Variants in POLR3D observed in about 807,000 individuals in gnomAD.
POLR3D encodes DNA-directed RNA polymerase III subunit RPC4.
POLR3D carries 42 observed loss-of-function variants against 44.5 expected under a neutral mutation model. That is an observed-to-expected ratio of 0.94 (90% CI 0.74 to 1.22). POLR3D has a LOEUF of 1.22. POLR3D is among the 50% of genes most tolerant of loss of function. POLR3D has a pLI of 0.00. For missense variants in POLR3D, 507 were observed against 505.2 expected (o/e 1.00, Z -0.03); for synonymous variants, 217 against 198.1 (o/e 1.10, Z -0.80).
intron 5 of POLR3D, 94 bp from the exon 6 acceptor site, chr8:22,248,387 G>A: frequency 6.4e-7 from 1 of 1,572,048 alleles, no homozygotes; most frequent in Non-Finnish European, 8.6e-7. Context: ...GAATCCTGGG[G>A]AGCAGCGGAA....
intron 3 of POLR3D, among the ~76,000 whole-genome samples, chr8:22,247,602 C>T (rs1470378204): frequency 6.6e-6 from 1 of 152,152 alleles, no homozygotes; most frequent in Non-Finnish European, 1.5e-5. Flanking sequence ...GCATTTCTGC[C>T]TTCCTGCTTT....
chr8:22,248,478 C>G lies in POLR3D; in HGVS notation c.487-3C>G, dbSNP rs1422175894. 3.1e-6 allele frequency: 5 copies of G among 1,613,252 alleles called. No homozygotes were observed. Among genetic ancestry groups the G allele is most frequent in the Non-Finnish European group, 4.2e-6 (5 of 1,179,604 alleles). On this transcript the variant is annotated splice_region_variant and splice_polypyrimidine_tract_variant and intron_variant, in intron 5 of 8. Transcript: ENST00000306433. ...GCTGGATGACCCAGACTCTCTTTGG[C>G]AGTTCCTCGATGACCCCGGCCTGAG...
intron 3 of POLR3D, 152 bp from the exon 4 acceptor site, chr8:22,247,705 A>C: frequency 1.5e-6 from 1 of 651,508 alleles, no homozygotes; most frequent in South Asian, 3.0e-5. Flanking sequence ...AAGTGAGAAA[A>C]GTGCTAGAAT....
intron 8 of POLR3D, 52 bp downstream of exon 8, chr8:22,250,279 T>C (rs1210390228): frequency 9.9e-6 from 16 of 1,611,158 alleles, no homozygotes; most frequent in Non-Finnish European, 1.4e-5. Flanking sequence ...TGAAGGAGGA[T>C]TGAAGAGCCA....
Position 22,247,372 on chromosome 8 carries a change from T to G in POLR3D, c.209+108T>G. The G allele has an allele frequency of 3.8e-6, 3 of 792,744 alleles. No homozygotes were observed. The South Asian group carries it at 5.1e-5, about 13-fold the overall frequency. 49.1% of individuals were successfully genotyped at this position (792,744 alleles called of 1,614,324 possible). Reference sequence around the variant, plus strand: ...AGCTCCAAAATTTAAATTTATATCTTTAGTTCTTTTCACTAGTGATTTTCA... The same window carrying G: ...AGCTCCAAAATTTAAATTTATATCTGTAGTTCTTTTCACTAGTGATTTTCA... On this transcript the variant is annotated intron_variant, in intron 3 of 8. Transcript: ENST00000306433.
At position 22,253,058 on chromosome 8, in the gene POLR3D, C is replaced by G. The variant is rs1296168798; in HGVS notation, c.*2540C>G. ...AACAGGATGTGATCAGCACAAGTAA[C>G]AGAAAATTAGCCTGACGGTGGCTTA... On this transcript the variant is annotated 3_prime_UTR_variant, in exon 9 of 9. Coordinates refer to ENST00000306433, the MANE Select transcript of POLR3D (RefSeq NM_001722.3). 2.0e-5 allele frequency: 3 copies of G among 152,188 alleles called. No homozygotes were observed. Among genetic ancestry groups the G allele is most frequent in the Non-Finnish European group, 4.4e-5 (3 of 68,044 alleles). 9.4% of individuals were successfully genotyped at this position (152,188 alleles called of 1,614,324 possible). A position where few individuals can be genotyped will look rare whatever the true frequency, so the allele number is the denominator to read the frequency against.
At chr8:22,248,086 A>G (rs1830061601) in intron 4 of POLR3D, 68 bp from the exon 5 acceptor site, 2 of 1,607,780 alleles carry the variant, frequency 1.2e-6, no homozygotes, top group Admixed American at 3.4e-5. Context: ...CCCCACTCCC[A>G]TTTCCGTTTT....
rs189085399 is a variant in POLR3D at position 22,253,405 on chromosome 8, G to A, written c.*2887G>A. The A allele has an allele frequency of 6.6e-6, 1 of 152,332 alleles. No individual in the cohort carries two copies. The allele number at this position is 152,332 out of a possible 1,614,324, so 9.4% of individuals were successfully genotyped here. A position where few individuals can be genotyped will look rare whatever the true frequency, so the allele number is the denominator to read the frequency against. On this transcript the variant is annotated 3_prime_UTR_variant, in exon 9 of 9. Coordinates refer to ENST00000306433, the MANE Select transcript of POLR3D (RefSeq NM_001722.3). ...ACCAGGCCCTGGCAAAGGGGGATGG[G>A]TCGACTAGTGTATCCCCTGGCACTG... is the stretch of plus-strand genomic sequence containing the variant.
In POLR3D at chr8:22,245,425, C is replaced by G; in HGVS notation, c.-5-20C>G. ...GCGTGTCAGTCCCCTCTGGTGATCTCGTCGCCCCTTCTCTCCCAGGCAACA... is the reference window on the plus strand; with the variant it reads ...GCGTGTCAGTCCCCTCTGGTGATCTGGTCGCCCCTTCTCTCCCAGGCAACA... On this transcript the variant is annotated intron_variant, in intron 1 of 8. Coordinates refer to ENST00000306433, the MANE Select transcript of POLR3D (RefSeq NM_001722.3). The G allele has an allele frequency of 1.5e-6, 2 of 1,308,910 alleles. No individual in the cohort carries two copies. Among genetic ancestry groups the G allele is most frequent in the Non-Finnish European group, 2.0e-6 (2 of 1,021,438 alleles). The allele number at this position is 1,308,910 out of a possible 1,614,324, so 81.1% of individuals were successfully genotyped here. A position where few individuals can be genotyped will look rare whatever the true frequency, so the allele number is the denominator to read the frequency against.
intron 2 of POLR3D, among the ~76,000 whole-genome samples, chr8:22,246,002 G>A (rs1289627394): frequency 1.3e-5 from 2 of 152,192 alleles, no homozygotes; most frequent in Non-Finnish European, 2.9e-5. Flanking sequence ...TCTAGAGTAT[G>A]ATGAATCCTA....
rs1161101682 is a variant in POLR3D, at chr8:22,252,351, A to G, written c.*1833A>G. On this transcript the variant is annotated 3_prime_UTR_variant, in exon 9 of 9. Transcript: ENST00000306433. ...GTCTCCATTCTCATCCTCTCTTTCT[A>G]TTCTGTTTCTTTGGTTCAGAAATAC... 1 of 153,356 alleles carries G rather than the reference A, an allele frequency of 6.5e-6. No homozygotes were observed. The highest frequency in any genetic ancestry group is 1.9e-4 in the East Asian group (1 of 5,194). 9.5% of individuals were successfully genotyped at this position (153,356 alleles called of 1,614,324 possible). A position where few individuals can be genotyped will look rare whatever the true frequency, so the allele number is the denominator to read the frequency against.
In POLR3D at chr8:22,247,808, T is replaced by C. The variant is rs754751655; in HGVS notation, c.210-49T>C. ...GGTATGGGAGAGTAAGGCCAGATTT[T>C]GGAGACACAGTGAGTGAGTGGTTTC... On this transcript the variant is annotated intron_variant, in intron 3 of 8. Coordinates refer to ENST00000306433, the MANE Select transcript of POLR3D (RefSeq NM_001722.3). 6 of 1,580,170 alleles carry C rather than the reference T, an allele frequency of 3.8e-6. No individual in the cohort carries two copies. The Admixed American group carries it at 8.9e-5, about 23-fold the overall frequency.
rs140344271 is a variant in POLR3D at position 22,248,508 on chromosome 8, G to A, written c.514G>A (p.Asp172Asn). The A allele has an allele frequency of 4.3e-6, 7 of 1,614,036 alleles. No homozygotes were observed. The highest frequency in any genetic ancestry group is 3.3e-5 in the South Asian group (3 of 91,068). ...DFLDDPGLRN[D>N]TRNMPVQLPL... ...CCTCGATGACCCCGGCCTGAGGAAC[G>A]ACACTCGAAATATGCCTGTGCAGCT... Residue 172 changes from aspartate to asparagine, a missense_variant, in exon 6 of 9, where the codon GAC becomes AAC. Transcript: ENST00000306433.
chr8:22,246,133 T>C (rs1830038810), intron 2 of POLR3D, among the ~76,000 whole-genome samples: 1 of 151,954 alleles, frequency 6.6e-6, no homozygotes, highest in Non-Finnish European at 1.5e-5. Context: ...GGTTTTGGTT[T>C]TGGTTTTTTT....
Position 22,248,660 on chromosome 8 carries a change from G to T in POLR3D, c.655+11G>T, listed in dbSNP as rs1336473412. The T allele has an allele frequency of 6.2e-7, 1 of 1,606,818 alleles. No homozygotes were observed. ...TACCTGCTGTGAAAGGTACTCTGTC[G>T]GTTAACTTCTCATCTCCAATTCCAT... On this transcript the variant is annotated intron_variant, in intron 6 of 8. Transcript: ENST00000306433.
At chr8:22,248,326 C>A in intron 5 of POLR3D, 48 bp downstream of exon 5, 1 of 1,602,374 alleles carries the variant, frequency 6.2e-7, no homozygotes, top group South Asian at 1.1e-5. Flanking sequence ...GGCTGTAGAA[C>A]AGGGCTTCTG....
intron 3 of POLR3D, 147 bp downstream of exon 3, chr8:22,247,411 G>C: frequency 1.7e-6 from 1 of 600,802 alleles, no homozygotes; most frequent in Non-Finnish European, 3.0e-6. Flanking sequence ...CTGGCTCCTA[G>C]GTGATTCTGC....
rs1193379351 is a variant in POLR3D at position 22,250,561 on chromosome 8, TG to T, written c.*44del. On this transcript the variant is annotated 3_prime_UTR_variant, in exon 9 of 9. Transcript: ENST00000306433. ...GGACGGCGCCTGTGCCCACGGCTGC[TG>T]CCTGCTCCAGACATTTTGTTCTTGA... 1 of 1,612,950 alleles carries T rather than the reference TG, an allele frequency of 6.2e-7. No individual in the cohort carries two copies. The highest frequency in any genetic ancestry group is 1.7e-5 in the Admixed American group (1 of 60,002).
Position 22,250,091 on chromosome 8 carries a change from A to G in POLR3D, c.938A>G (p.Glu313Gly), listed in dbSNP as rs1830087824. The G allele has an allele frequency of 2.5e-6, 4 of 1,614,026 alleles. No individual in the cohort carries two copies. The highest frequency in any genetic ancestry group is 2.2e-5 in the South Asian group (2 of 91,082). ...QEKDREAKLA[E>G]NACTLADLTE... The stretch of plus-strand genomic sequence containing the variant: ...TCTCCGCAGGAAGCCAAATTGGCAG[A>G]GAATGCTTGTACCCTGGCTGACCTG... The change falls in exon 8 of 9, where the codon GAG becomes GGG. Residue 313 changes from glutamate to glycine, a missense_variant. Coordinates refer to ENST00000306433, the MANE Select transcript of POLR3D (RefSeq NM_001722.3).
Sources: gnomAD v4.1 joint callset for allele counts (sites outside exome capture counted in the v4.1 genomes callset) on GRCh38, gnomAD v4.1.1 for gene constraint, MANE v1.5 for transcripts, NCBI Gene and HGNC (gene_info 2026-07-23, HGNC 2026-07-21) for gene names.